The following NALCN variants were observed in gnomAD, a reference collection of about 807,000 sequenced individuals.
NALCN encodes the protein sodium leak channel, non-selective.
A neutral mutation model predicts 225.3 loss-of-function variants in NALCN; 111 were observed. The observed-to-expected ratio is 0.49, with a 90% CI of 0.42 to 0.58. The LOEUF (loss-of-function observed/expected upper bound fraction) is 0.58, where lower values mean the gene tolerates loss of function less well. NALCN is among the 20% of genes least tolerant of loss of function. NALCN has a pLI of 0.00. For synonymous variants in NALCN, 764 were observed against 769.0 expected (o/e 0.99, Z 0.11); for missense variants, 1,378 against 2,202.4 (o/e 0.63, Z 7.49).
intron 6 of NALCN, 98 bp from the exon 7 acceptor site, chr13:101,345,518 G>C (rs2045691376): frequency 7.2e-7 from 1 of 1,394,698 alleles, no homozygotes; most frequent in Non-Finnish European, 9.7e-7. Flanking sequence ...CTATGTATCT[G>C]GCCAAGTGAG....
chr13:101,061,812 C>G (rs1228196074), intron 41 of NALCN, among the ~76,000 whole-genome samples, 156 bp downstream of exon 41: 2 of 152,094 alleles, frequency 1.3e-5, no homozygotes, highest in East Asian at 3.9e-4. Flanking sequence ...ATGATCTGAC[C>G]ACTGTAAGTG....
intron 12 of NALCN, among the ~76,000 whole-genome samples, chr13:101,232,289 T>G (rs1465371998): frequency 6.6e-6 from 1 of 152,144 alleles, no homozygotes; most frequent in Non-Finnish European, 1.5e-5. Flanking sequence ...TGATATGGTT[T>G]ACAGCATGTA....
chr13:101,347,140 TACACACACAC>T (rs56838607), intron 6 of NALCN, among the ~76,000 whole-genome samples: 2 of 149,426 alleles, frequency 1.3e-5, no homozygotes, highest in Admixed American at 6.7e-5. Flanking sequence ...TACATAGTTT[TACACACACAC>T]ACACACACAC....
chr13:101,191,957 A>G lies in NALCN; in HGVS notation c.1724T>C (p.Val575Ala). The G allele has an allele frequency of 6.2e-7, 1 of 1,609,926 alleles. No individual in the cohort carries two copies. Among genetic ancestry groups the G allele is most frequent in the Non-Finnish European group, 8.5e-7 (1 of 1,178,212 alleles). ...ATGATAGAGAATGAAATAGATGGCA[A>G]CCACGGGTGCCCACATATGTCCCAC... Reference protein sequence around the residue: ...NAVGHMWAPVVAIYFILYHLF... With the variant: ...NAVGHMWAPVAAIYFILYHLF... The change falls in exon 14 of 44, where the codon GTT becomes GCT. Residue 575 changes from valine to alanine, a missense_variant. Transcript: ENST00000251127.
rs1269423819 is a variant in NALCN at position 101,254,613 on chromosome 13, C to A, written c.1266+3830G>T. Among the ~76,000 whole-genome samples the A allele has an allele frequency of 8.3e-5, 6 of 72,646 alleles. 1 individual carries two copies. Among genetic ancestry groups the A allele is most frequent in the African/African-American group, 2.3e-4 (6 of 26,106 alleles). 47.7% of individuals were successfully genotyped at this position (72,646 alleles called of 152,430 possible). On this transcript the variant is annotated intron_variant, in intron 11 of 43. Coordinates refer to ENST00000251127, the MANE Select transcript of NALCN (RefSeq NM_052867.4). ...TTGTTAAGAATGAATGACATGTGGCCGGGCGCGGTGGCTCACGCCTGTAAT... is the reference window on the plus strand; with the variant it reads ...TTGTTAAGAATGAATGACATGTGGCAGGGCGCGGTGGCTCACGCCTGTAAT...
At chr13:101,289,185 A>C (rs901847596) in intron 9 of NALCN, among the ~76,000 whole-genome samples, 1 of 152,194 alleles carries the variant, frequency 6.6e-6, no homozygotes, top group Admixed American at 6.5e-5. Flanking sequence ...CCCACGTCTA[A>C]GAATCAGGCA....
At chr13:101,132,960 T>C (rs1383890673) in intron 17 of NALCN, among the ~76,000 whole-genome samples, 2 of 152,180 alleles carry the variant, frequency 1.3e-5, no homozygotes, top group Admixed American at 1.3e-4. Flanking sequence ...GAATAATGAC[T>C]CTGAAGCACT....
chr13:101,066,824 C>T (rs986566377), intron 39 of NALCN, among the ~76,000 whole-genome samples: 50 of 151,986 alleles, frequency 3.3e-4, no homozygotes, highest in African/African-American at 1.1e-3. Flanking sequence ...GGTCTTTGTG[C>T]CCTTCATCAA....
At chr13:101,360,322 C>T (rs1023988673) in intron 6 of NALCN, among the ~76,000 whole-genome samples, 2 of 151,596 alleles carry the variant, frequency 1.3e-5, no homozygotes, top group African/African-American at 4.9e-5. Context: ...CCTCCCTCAC[C>T]TCCCGGCTCC....
intron 2 of NALCN, among the ~76,000 whole-genome samples, chr13:101,396,025 T>C (rs545140739): frequency 6.6e-6 from 1 of 151,790 alleles, no homozygotes; most frequent in South Asian, 2.1e-4. Flanking sequence ...AAAAAATGCA[T>C]AGATTTTTTC....
Position 101,124,646 on chromosome 13 carries a change from G to T in NALCN, c.2154C>A (p.Asn718Lys), listed in dbSNP as rs2139700215. The change falls in exon 18 of 44, where the codon AAC becomes AAA. Residue 718 changes from asparagine (N) to lysine (K), a missense_variant. Asn to Lys is a moderately conservative substitution (Grantham distance 94). This residue lies in a region of NALCN where 100 missense variants were observed against 89.4 expected (regional missense o/e 1.12). Coordinates refer to ENST00000251127, the MANE Select transcript of NALCN (RefSeq NM_052867.4). ...RKSVFSIRAR[N>K]LLEKETAVTK... is the part of the protein sequence containing the mutation. Reference sequence around the variant, plus strand: ...TGACTGCGGTCTCCTTTTCCAGAAGGTTCCTTGCCCTGATGCTGAAAACAG... The same window carrying T: ...TGACTGCGGTCTCCTTTTCCAGAAGTTTCCTTGCCCTGATGCTGAAAACAG... The T allele has an allele frequency of 1.9e-6, 3 of 1,613,994 alleles. No homozygotes were observed. Among genetic ancestry groups the T allele is most frequent in the Non-Finnish European group, 2.5e-6 (3 of 1,179,964 alleles).
At chr13:101,353,743 G>T (rs1357795407) in intron 6 of NALCN, among the ~76,000 whole-genome samples, 1 of 152,152 alleles carries the variant, frequency 6.6e-6, no homozygotes, top group East Asian at 1.9e-4. Context: ...TCCTGAAAGG[G>T]TTGGTAGGCA....
At chr13:101,353,393 T>C (rs2045961107) in intron 6 of NALCN, among the ~76,000 whole-genome samples, 1 of 152,200 alleles carries the variant, frequency 6.6e-6, no homozygotes, top group African/African-American at 2.4e-5. Flanking sequence ...TCATCTGACT[T>C]CATTTTCACT....
At chr13:101,180,899 T>G in intron 14 of NALCN, 1 of 372,942 alleles carries the variant, frequency 2.7e-6, no homozygotes, top group Non-Finnish European at 5.3e-6. Flanking sequence ...TCAGTCTTAT[T>G]TCTTCTCAGA....
chr13:101,197,572 A>T (rs897955100), intron 13 of NALCN, among the ~76,000 whole-genome samples: 5 of 152,176 alleles, frequency 3.3e-5, no homozygotes, highest in Admixed American at 1.3e-4. Context: ...TAGTAACATT[A>T]TCACATATTA....
chr13:101,318,975 C>T (rs967167211), intron 7 of NALCN, among the ~76,000 whole-genome samples: 17 of 152,124 alleles, frequency 1.1e-4, no homozygotes, highest in Non-Finnish European at 2.5e-4. Flanking sequence ...AATAAACACC[C>T]ACCTGTGGGT....
chr13:101,382,818 G>C (rs1056276641), intron 3 of NALCN, among the ~76,000 whole-genome samples: 2 of 152,026 alleles, frequency 1.3e-5, no homozygotes, highest in Non-Finnish European at 2.9e-5. Flanking sequence ...TTCTGCCTTG[G>C]ACTTTTCAGA....
chr13:101,184,285 A>G (rs1274811975), intron 14 of NALCN, among the ~76,000 whole-genome samples: 1 of 152,232 alleles, frequency 6.6e-6, no homozygotes, highest in Non-Finnish European at 1.5e-5. Context: ...TATGAATGAT[A>G]TAATAGGATT....
intron 18 of NALCN, among the ~76,000 whole-genome samples, chr13:101,119,032 G>C (rs1034841996): frequency 6.6e-6 from 1 of 152,156 alleles, no homozygotes; most frequent in Non-Finnish European, 1.5e-5. Flanking sequence ...ATTATAAAAG[G>C]AGAACTTTCC....
Sources: gnomAD v4.1 joint callset for allele counts (sites outside exome capture counted in the v4.1 genomes callset) on GRCh38, gnomAD v4.1.1 for gene constraint, gnomAD v4.1.1 regional missense constraint, MANE v1.5 for transcripts, NCBI Gene and HGNC (gene_info 2026-07-23, HGNC 2026-07-21) for gene names.